The following CAPRIN2 variants were observed in gnomAD, a reference collection of about 807,000 sequenced individuals.
The protein encoded by CAPRIN2 is caprin family member 2, also known as caprin-2.
CAPRIN2 carries 66 observed loss-of-function variants against 130.4 expected under a neutral mutation model. The observed-to-expected ratio is 0.51, with a 90% CI of 0.42 to 0.62. The LOEUF (loss-of-function observed/expected upper bound fraction) is 0.62, where lower values mean the gene tolerates loss of function less well. Ranked by LOEUF, CAPRIN2 falls within the 20% of genes least tolerant of loss-of-function variation. The probability of loss-of-function intolerance (pLI) is 0.00; values close to 1 mark genes in which losing one functional copy is unlikely to be tolerated. For synonymous variants in CAPRIN2, 471 were observed against 444.1 expected (o/e 1.06, Z -0.76); for missense variants, 1,185 against 1,246.6 (o/e 0.95, Z 0.74).
At chr12:30,715,732 A>G (rs929115314) in intron 13 of CAPRIN2, 6 of 196,888 alleles carry the variant, frequency 3.0e-5, no homozygotes, top group Non-Finnish European at 5.3e-5. Flanking sequence ...TGAGGGAGTA[A>G]AAGAAAATGG....
At chr12:30,742,505 C>T (rs1339808494) in intron 2 of CAPRIN2, among the ~76,000 whole-genome samples, 1 of 151,538 alleles carries the variant, frequency 6.6e-6, no homozygotes, top group Non-Finnish European at 1.5e-5. Context: ...CAAAAAAAAA[C>T]CCCAAAACTT....
chr12:30,724,324 T>C, intron 10 of CAPRIN2, 46 bp downstream of exon 11: 5 of 1,090,514 alleles, frequency 4.6e-6, no homozygotes, highest in Non-Finnish European at 7.1e-6. Context: ...AACAAATAGC[T>C]GTTAGCTCAA....
At position 30,710,454 on chromosome 12, in the gene CAPRIN2, A is replaced by T; in HGVS notation, c.2682T>A (p.Ser894=). ...CTCTTTCTGGGCTGCTCACCTGAGA[A>T]GAATCACTCCACCCTGCTGTTTTAT... Residue 894 remains serine (S), a synonymous_variant, in exon 17 of 17, where the codon TCT becomes TCA. Transcript: ENST00000298892. This position sits in a 1 kb window ranked among gnomAD's most constrained non-coding sequence, Gnocchi z 4.8. 1 of 1,614,102 alleles carries T rather than the reference A, an allele frequency of 6.2e-7. No homozygotes were observed. Among genetic ancestry groups the T allele is most frequent in the Admixed American group, 1.7e-5 (1 of 60,024 alleles).
At chr12:30,730,135 G>A in intron 7 of CAPRIN2, 104 bp downstream of exon 8, 2 of 886,742 alleles carry the variant, frequency 2.3e-6, no homozygotes, top group Non-Finnish European at 3.6e-6. Context: ...GCAGAACCAG[G>A]GTTCAAGCTC....
At position 30,734,816 on chromosome 12, in the gene CAPRIN2, T is replaced by A. The variant is rs76949772; in HGVS notation, c.809+152A>T. On this transcript the variant is annotated intron_variant, in intron 4 of 16. Coordinates refer to ENST00000298892, the Ensembl canonical transcript of CAPRIN2. ...CCAAGGTTTCCATATTGAATCAAAT[T>A]AATACTTTCTTAAGTTCTCTCTCCC... is the stretch of plus-strand genomic sequence containing the variant. The A allele has an allele frequency of 1.3e-3, 800 of 636,712 alleles. 3 individuals are homozygous for A. Among genetic ancestry groups the A allele is most frequent in the East Asian group, 0.012 (449 of 37,768 alleles). The allele number at this position is 636,712 out of a possible 1,614,324, so 39.4% of individuals were successfully genotyped here. A position where few individuals can be genotyped will look rare whatever the true frequency, so the allele number is the denominator to read the frequency against.
chr12:30,718,899 G>T (rs188591971), intron 12 of CAPRIN2, among the ~76,000 whole-genome samples, 180 bp downstream of exon 14: 553 of 152,350 alleles, frequency 3.6e-3, no homozygotes, highest in Non-Finnish European at 5.6e-3. Context: ...TCTAGAGGCT[G>T]TGGATTTCCT....
At chr12:30,715,004 C>T in exon 14 of CAPRIN2, 2 of 1,613,974 alleles carry the variant, frequency 1.2e-6, no homozygotes, top group South Asian at 2.2e-5. Context: ...ATTAATCTCC[C>T]ACCACGAGTA....
At chr12:30,741,363 T>C (rs148939573) in intron 2 of CAPRIN2, among the ~76,000 whole-genome samples, 2 of 152,256 alleles carry the variant, frequency 1.3e-5, no homozygotes, top group East Asian at 1.9e-4. Context: ...TTTACCCCTA[T>C]AAAGTCTAAG....
chr12:30,716,860 T>C (rs1376797328), intron 12 of CAPRIN2, among the ~76,000 whole-genome samples, 184 bp from the exon 15 acceptor site: 2 of 152,190 alleles, frequency 1.3e-5, no homozygotes, highest in Non-Finnish European at 2.9e-5. Flanking sequence ...TCATTAGTCA[T>C]TAGGGAAATG....
intron 2 of CAPRIN2, among the ~76,000 whole-genome samples, chr12:30,745,535 C>T (rs890526348): frequency 7.2e-5 from 11 of 151,984 alleles, no homozygotes; most frequent in African/African-American, 2.4e-4. Flanking sequence ...GTTTTATTTA[C>T]ATTATTATAA....
chr12:30,725,836 A>T, intron 9 of CAPRIN2, 130 bp downstream of exon 10: 2 of 664,050 alleles, frequency 3.0e-6, no homozygotes, highest in Non-Finnish European at 4.4e-6. Context: ...CCTAAACTCC[A>T]GGCTAGGAGA....
At chr12:30,752,749 A>G (rs1204561022) in intron 1 of CAPRIN2, among the ~76,000 whole-genome samples, 1 of 138,658 alleles carries the variant, frequency 7.2e-6, no homozygotes, top group African/African-American at 2.7e-5. Flanking sequence ...AATACAGCAA[A>G]GCAACGTGCA....
At chr12:30,753,699 C>G (rs2075073937) in exon 1 of CAPRIN2, 7 of 1,614,090 alleles carry the variant, frequency 4.3e-6, no homozygotes, top group Non-Finnish European at 5.9e-6. Context: ...AGACCACTCC[C>G]TTAAACTCTT....
chr12:30,725,144 T>C (rs1422939733), intron 9 of CAPRIN2, among the ~76,000 whole-genome samples: 1 of 152,204 alleles, frequency 6.6e-6, no homozygotes, highest in Non-Finnish European at 1.5e-5. Flanking sequence ...AGAGCATCTA[T>C]TTATCTCAAC....
chr12:30,739,238 A>G (rs1257960506), intron 3 of CAPRIN2, among the ~76,000 whole-genome samples: 1 of 152,210 alleles, frequency 6.6e-6, no homozygotes, highest in Non-Finnish European at 1.5e-5. Context: ...AAAGAACAAG[A>G]TCATGTCCTT....
intron 13 of CAPRIN2, 173 bp from the exon 16 acceptor site, chr12:30,715,314 T>C (rs139938518): frequency 1.3e-4 from 88 of 654,144 alleles, no homozygotes; most frequent in African/African-American, 1.2e-3. Flanking sequence ...GTAATTCATA[T>C]ATATAATGGA....
At chr12:30,713,051 T>C (rs2055804052) in intron 15 of CAPRIN2, among the ~76,000 whole-genome samples, 1 of 152,178 alleles carries the variant, frequency 6.6e-6, no homozygotes, top group Non-Finnish European at 1.5e-5. Flanking sequence ...CTTCACCCTT[T>C]TCAATACTGC....
intron 3 of CAPRIN2, among the ~76,000 whole-genome samples, chr12:30,735,477 C>T (rs1565650561): frequency 6.6e-6 from 1 of 152,130 alleles, no homozygotes; most frequent in African/African-American, 2.4e-5. Context: ...TGATGAGTAG[C>T]GAAGTACCAA....
chr12:30,719,471 G>T, intron 12 of CAPRIN2: 1 of 429,896 alleles, frequency 2.3e-6, no homozygotes, highest in Admixed American at 3.9e-5. Context: ...AACAGATGAG[G>T]GGCTGAACTT....
Sources: allele counts gnomAD v4.1 joint callset (sites outside exome capture counted in the v4.1 genomes callset), GRCh38; gene constraint gnomAD v4.1.1; non-coding constraint Gnocchi (gnomAD v3.1); transcripts MANE v1.5; gene names NCBI Gene and HGNC (gene_info 2026-07-23, HGNC 2026-07-21).